The following TENM3 variants were observed in gnomAD, a reference collection of about 807,000 sequenced individuals.
TENM3 encodes teneurin-3.
Under a neutral mutation model 255.1 loss-of-function variants are expected in TENM3, and 63 were observed. That is an observed-to-expected ratio of 0.25 (90% CI 0.20 to 0.30). The LOEUF (loss-of-function observed/expected upper bound fraction) is 0.30. Ranked by LOEUF, TENM3 falls within the 10% of genes least tolerant of loss-of-function variation. The pLI is 1.00. For synonymous variants in TENM3, 1,306 were observed against 1,322.3 expected (o/e 0.99, Z 0.27); for missense variants, 2,929 against 3,461.1 (o/e 0.85, Z 3.86).
chr4:181,697,940 C>T, the TENM3 span, among the ~76,000 whole-genome samples: 2 of 152,020 alleles, frequency 1.3e-5, no homozygotes, highest in Non-Finnish European at 2.9e-5. Flanking sequence ...GTTGGCCAGG[C>T]ATGGTGGCTC....
chr4:182,717,352 C>T (rs1302332403), intron 13 of TENM3, among the ~76,000 whole-genome samples: 1 of 152,160 alleles, frequency 6.6e-6, no homozygotes, highest in Non-Finnish European at 1.5e-5. Context: ...TTATCTTCAG[C>T]CACCCTTTTA....
chr4:181,914,263 T>C, the TENM3 span, among the ~76,000 whole-genome samples: 3 of 152,218 alleles, frequency 2.0e-5, no homozygotes, highest in Non-Finnish European at 1.5e-5. Context: ...TAATTTTTAA[T>C]ACCTTTTGCC....
intron 1 of TENM3, among the ~76,000 whole-genome samples, chr4:182,235,661 C>A (rs535477631): frequency 6.7e-6 from 1 of 150,074 alleles, no homozygotes; most frequent in Non-Finnish European, 1.5e-5. Context: ...CTACACACGA[C>A]CACACGGGAG....
the TENM3 span, among the ~76,000 whole-genome samples, chr4:181,842,201 A>G: frequency 6.6e-6 from 1 of 152,192 alleles, no homozygotes; most frequent in African/African-American, 2.4e-5. Context: ...GCTTTGTAGG[A>G]TTACCTGTGA....
the TENM3 span, among the ~76,000 whole-genome samples, chr4:181,934,681 T>A: frequency 1.3e-5 from 2 of 152,134 alleles, no homozygotes; most frequent in Non-Finnish European, 2.9e-5. Context: ...TTAGGTCAAT[T>A]CTTTTTCTTT....
At chr4:182,353,314 T>G (rs1253445029) in intron 3 of TENM3, among the ~76,000 whole-genome samples, 2 of 152,224 alleles carry the variant, frequency 1.3e-5, no homozygotes, top group African/African-American at 4.8e-5. Flanking sequence ...TTATACATAC[T>G]AAACTATAGC....
the TENM3 span, among the ~76,000 whole-genome samples, chr4:181,767,112 C>A: frequency 7.0e-6 from 1 of 143,004 alleles, no homozygotes; most frequent in Non-Finnish European, 1.5e-5. Flanking sequence ...ATTAGCAGGG[C>A]GTGGTGGCGG....
At chr4:181,736,887 G>A in the TENM3 span, among the ~76,000 whole-genome samples, 2 of 151,512 alleles carry the variant, frequency 1.3e-5, no homozygotes, top group Non-Finnish European at 3.0e-5. Flanking sequence ...TTCTTGTCCT[G>A]AAGCCGCCAT....
the TENM3 span, among the ~76,000 whole-genome samples, chr4:181,879,248 G>C: frequency 1.3e-5 from 2 of 152,038 alleles, no homozygotes; most frequent in Non-Finnish European, 2.9e-5. Context: ...TGCTGTTTTT[G>C]AGAAATCATT....
At chr4:182,342,733 A>T (rs1246480910) in intron 2 of TENM3, among the ~76,000 whole-genome samples, 1 of 152,160 alleles carries the variant, frequency 6.6e-6, no homozygotes, top group Non-Finnish European at 1.5e-5. Context: ...AAATCCAGAC[A>T]TTAGTGAGGA....
At chr4:181,617,944 A>G in the TENM3 span, among the ~76,000 whole-genome samples, 1 of 152,236 alleles carries the variant, frequency 6.6e-6, no homozygotes, top group Non-Finnish European at 1.5e-5. Flanking sequence ...GCCAGCAGCC[A>G]CAAGCTGAAA....
Position 182,517,632 on chromosome 4 carries a change from C to G in TENM3, c.512-83292C>G, listed in dbSNP as rs549575312. 3.1e-5 allele frequency among the ~76,000 whole-genome samples: 4 copies of G among 130,144 alleles called. No individual in the cohort carries two copies. In the South Asian group the frequency reaches 9.0e-4, roughly 29 times the overall value. 85.4% of individuals were successfully genotyped at this position (130,144 alleles called of 152,430 possible). A position where few individuals can be genotyped will look rare whatever the true frequency, so the allele number is the denominator to read the frequency against. On this transcript the variant is annotated intron_variant, in intron 3 of 27. Coordinates refer to ENST00000511685, the MANE Select transcript of TENM3 (RefSeq NM_001080477.4). ...TCTCCTGACCTCGTGATCCGCCCGC[C>G]TCGGCCTCCCAAAGTGCTGGGATTA... is the stretch of plus-strand genomic sequence containing the variant.
At chr4:182,141,661 T>C (rs752173803), upstream of TENM3, 4 of 152,302 alleles carry the variant, frequency 2.6e-5, no homozygotes, top group Non-Finnish European at 4.4e-5. Flanking sequence ...TTTGCAACCA[T>C]AGTGTGAACG....
At chr4:181,534,458 T>A in the TENM3 span, among the ~76,000 whole-genome samples, 6 of 112,456 alleles carry the variant, frequency 5.3e-5, no homozygotes, top group Admixed American at 4.7e-4. Flanking sequence ...AGACTTTCCC[T>A]GAGGTCTTCC....
chr4:181,824,692 A>C, the TENM3 span, among the ~76,000 whole-genome samples: 1 of 152,168 alleles, frequency 6.6e-6, no homozygotes, highest in African/African-American at 2.4e-5. Context: ...AAAAAAATCA[A>C]AATTAAGGAA....
intron 3 of TENM3, among the ~76,000 whole-genome samples, chr4:182,419,310 T>C (rs2085474): frequency 0.99 from 150,868 of 152,286 alleles, 74,748 homozygotes; most frequent in East Asian, 1. Flanking sequence ...CAAATCAAAA[T>C]CACAATGAGA....
chr4:182,241,518 C>CTTTTTTTTTTTTTTTT (rs982739950), upstream of TENM3, among the ~76,000 whole-genome samples: 54 of 114,274 alleles, frequency 4.7e-4, 2 homozygotes, highest in African/African-American at 1.2e-3. Context: ...TTTTTTCTTT[C>CTTTTTTTTTTTTTTTT]TTTTTTTTTT....
At chr4:182,417,129 A>T (rs920156928) in intron 3 of TENM3, among the ~76,000 whole-genome samples, 2 of 151,496 alleles carry the variant, frequency 1.3e-5, no homozygotes, top group Non-Finnish European at 2.9e-5. Flanking sequence ...GCCTGCCACC[A>T]CGCCCAGCTA....
At chr4:182,557,348 A>C (rs1234513728) in intron 3 of TENM3, among the ~76,000 whole-genome samples, 1 of 152,194 alleles carries the variant, frequency 6.6e-6, no homozygotes, top group Non-Finnish European at 1.5e-5. Context: ...GAGCTTCATT[A>C]GAATCGTAAT....
Sources: gnomAD v4.1 joint callset for allele counts (sites outside exome capture counted in the v4.1 genomes callset) on GRCh38, gnomAD v4.1.1 for gene constraint, MANE v1.5 for transcripts, NCBI Gene and HGNC (gene_info 2026-07-23, HGNC 2026-07-21) for gene names.